SPRY3: variants seen among roughly 807,000 people sequenced by gnomAD.
SPRY3 encodes protein sprouty homolog 3.
SPRY3 carries 15 observed loss-of-function variants against 20.2 expected under a neutral mutation model. That is an observed-to-expected ratio of 0.74 (90% CI 0.50 to 1.14). The LOEUF (loss-of-function observed/expected upper bound fraction) is 1.14, where lower values mean the gene tolerates loss of function less well. Ranked by LOEUF, SPRY3 falls within the 50% of genes most tolerant of loss-of-function variation. The probability of loss-of-function intolerance (pLI) is 0.00; values close to 1 mark genes in which losing one functional copy is unlikely to be tolerated. For missense variants in SPRY3, 364 were observed against 363.9 expected, an observed-to-expected ratio of 1.00 and a Z score of 0.00; for synonymous variants, 143 against 136.5, an observed-to-expected ratio of 1.05 and a Z score of -0.33.
intron 2 of SPRY3, among the ~76,000 whole-genome samples, chrX:155,713,596 T>C (rs1221545092): frequency 6.6e-6 from 1 of 152,178 alleles, no homozygotes; most frequent in Admixed American, 6.6e-5. Context: ...TCATATGATA[T>C]TTCTTTTCTC....
intron 2 of SPRY3, among the ~76,000 whole-genome samples, chrX:155,739,247 G>A (rs1339563268): frequency 6.6e-6 from 1 of 152,156 alleles, no homozygotes; most frequent in Non-Finnish European, 1.5e-5. Context: ...GATGTGTGGG[G>A]AGGGGCTCCC....
At chrX:155,622,565 A>C (rs782437692) in intron 1 of SPRY3, among the ~76,000 whole-genome samples, 9 of 112,203 alleles carry the variant, frequency 8.0e-5, no homozygotes, top group African/African-American at 2.6e-4. Context: ...ATGACTTTGC[A>C]CTACAGGCTG....
At chrX:155,722,611 G>T (rs1441282821) in intron 2 of SPRY3, among the ~76,000 whole-genome samples, 2 of 150,062 alleles carry the variant, frequency 1.3e-5, no homozygotes, top group Non-Finnish European at 3.0e-5. Context: ...AGGAAAGAAG[G>T]ATGAGAACAT....
intron 2 of SPRY3, among the ~76,000 whole-genome samples, chrX:155,705,096 G>A (rs1267721642): frequency 6.6e-6 from 1 of 151,360 alleles, no homozygotes; most frequent in Non-Finnish European, 1.5e-5. Flanking sequence ...TGAAGCATAG[G>A]AAGGTAAAGT....
chrX:155,750,796 G>A (rs893967877), intron 2 of SPRY3, among the ~76,000 whole-genome samples: 15 of 151,778 alleles, frequency 9.9e-5, no homozygotes, highest in African/African-American at 2.9e-4. Context: ...CAAGCAGCTC[G>A]AAAAGTCCAC....
chrX:155,712,809 A>T (rs1284522730), intron 2 of SPRY3, among the ~76,000 whole-genome samples: 1 of 151,350 alleles, frequency 6.6e-6, no homozygotes, highest in African/African-American at 2.4e-5. Context: ...GGTATAATTT[A>T]ATTTCTTGTT....
chrX:155,777,921 C>T (rs1317131998), downstream of SPRY3: 2 of 166,668 alleles, frequency 1.2e-5, no homozygotes, highest in Non-Finnish European at 2.9e-5. Flanking sequence ...AGCCCATCTT[C>T]CCTAATCACA....
At chrX:155,696,091 T>A (rs1024580030) in intron 2 of SPRY3, among the ~76,000 whole-genome samples, 5 of 110,532 alleles carry the variant, frequency 4.5e-5, no homozygotes, top group Admixed American at 9.8e-5. Context: ...AATGCTGATG[T>A]TTTGTTGTCT....
chrX:155,724,607 T>A (rs1458152393), intron 2 of SPRY3, among the ~76,000 whole-genome samples: 1 of 152,190 alleles, frequency 6.6e-6, no homozygotes, highest in African/African-American at 2.4e-5. Flanking sequence ...TCTCTGTTTG[T>A]CTGTTATTGG....
chrX:155,653,167 T>G (rs782783293), intron 1 of SPRY3, among the ~76,000 whole-genome samples: 2 of 111,799 alleles, frequency 1.8e-5, no homozygotes, highest in Non-Finnish European at 3.8e-5. Flanking sequence ...TTATCAGATA[T>G]ATGATTTGCA....
chrX:155,631,862 T>C (rs1557350551), intron 1 of SPRY3, among the ~76,000 whole-genome samples: 2 of 111,845 alleles, frequency 1.8e-5, no homozygotes, highest in Non-Finnish European at 3.8e-5. Flanking sequence ...TAATGTGTAA[T>C]AATCACAACA....
At chrX:155,633,528 C>T (rs1261615387) in intron 1 of SPRY3, among the ~76,000 whole-genome samples, 1 of 110,740 alleles carries the variant, frequency 9.0e-6, no homozygotes, top group Non-Finnish European at 1.9e-5. Flanking sequence ...GGACCTATAG[C>T]CATTTACCGT....
chrX:155,738,983 G>C (rs2091187172), intron 2 of SPRY3, among the ~76,000 whole-genome samples: 1 of 152,210 alleles, frequency 6.6e-6, no homozygotes, highest in African/African-American at 2.4e-5. Flanking sequence ...TAGAATTCCA[G>C]CTGGCCAGAG....
intron 2 of SPRY3, among the ~76,000 whole-genome samples, chrX:155,703,870 G>T (rs1260874811): frequency 6.6e-6 from 1 of 151,630 alleles, no homozygotes; most frequent in Non-Finnish European, 1.5e-5. Context: ...ATATTGTTCT[G>T]GTCGACCATT....
intron 2 of SPRY3, among the ~76,000 whole-genome samples, chrX:155,695,870 T>C (rs921902159): frequency 8.1e-5 from 9 of 111,193 alleles, no homozygotes; most frequent in Non-Finnish European, 1.5e-4. Context: ...CTTTCATTAA[T>C]TTAATATAGT....
At chrX:155,756,511 C>T (rs373146202) in intron 2 of SPRY3, among the ~76,000 whole-genome samples, 5 of 152,008 alleles carry the variant, frequency 3.3e-5, no homozygotes, top group East Asian at 3.9e-4. Flanking sequence ...TTGAAGCATC[C>T]GATAGGTGTC....
At chrX:155,687,479 T>G (rs2068090843) in intron 2 of SPRY3, among the ~76,000 whole-genome samples, 1 of 112,800 alleles carries the variant, frequency 8.9e-6, no homozygotes, top group Non-Finnish European at 1.9e-5. Context: ...TATTGGCTCA[T>G]GTAACAGAAT....
chrX:155,764,055 T>C (rs776630528), intron 2 of SPRY3, among the ~76,000 whole-genome samples: 1 of 152,316 alleles, frequency 6.6e-6, no homozygotes, highest in East Asian at 1.9e-4. Context: ...TATTTATTTA[T>C]TGAAAATCAA....
At chrX:155,768,267 C>A (rs1199915385) in intron 3 of SPRY3, 131 bp downstream of exon 2, 1 of 151,874 alleles carries the variant, frequency 6.6e-6, no homozygotes, top group African/African-American at 2.4e-5. Flanking sequence ...CGCGCGCGCG[C>A]AAGCGCATGG....
Sources: gnomAD v4.1 joint callset for allele counts (sites outside exome capture counted in the v4.1 genomes callset) on GRCh38, gnomAD v4.1.1 for gene constraint, MANE v1.5 for transcripts, NCBI Gene and HGNC (gene_info 2026-07-23, HGNC 2026-07-21) for gene names.